Variants in PLCG2 observed in about 807,000 individuals in gnomAD.
PLCG2 encodes 1-phosphatidylinositol 4,5-bisphosphate phosphodiesterase gamma-2.
In PLCG2, 69 loss-of-function variants were observed where a neutral mutation model predicts 175.6. That is an observed-to-expected ratio of 0.39 (90% confidence interval 0.32 to 0.48). PLCG2 has a LOEUF of 0.48. Ranked by LOEUF, PLCG2 falls within the 20% of genes least tolerant of loss-of-function variation. PLCG2 has a pLI of 0.91. For missense variants in PLCG2, 1,798 were observed against 1,650.9 expected, an observed-to-expected ratio of 1.09 and a Z score of -1.54; for synonymous variants, 827 against 624.0, an observed-to-expected ratio of 1.33 and a Z score of -4.85.
At chr16:81,770,094 C>G (rs1305309086) in intron 2 of PLCG2, among the ~76,000 whole-genome samples, 2 of 152,104 alleles carry the variant, frequency 1.3e-5, no homozygotes, top group African/African-American at 4.8e-5. Flanking sequence ...CTCTCCACCC[C>G]CTTCGCTAAC....
chr16:81,800,543 T>C (rs1441691047), intron 2 of PLCG2, among the ~76,000 whole-genome samples: 1 of 152,196 alleles, frequency 6.6e-6, no homozygotes, highest in African/African-American at 2.4e-5. Flanking sequence ...AAGGACACGA[T>C]CTCGTTCCGT....
chr16:81,841,201 A>G (rs1309368726), intron 2 of PLCG2, among the ~76,000 whole-genome samples: 1 of 145,954 alleles, frequency 6.9e-6, no homozygotes, highest in African/African-American at 2.6e-5. Context: ...GCCAAAAAGT[A>G]AACTTTATTT....
rs759875390 is a variant in PLCG2 at position 81,908,615 on chromosome 16, G to GCCTA, written c.1733+28_1733+31dup. ...TGGTAATGCCCCCGACCCAGGGAAC[G>GCCTA]CCTACCTTCTTCTCCATGCCAACCG... On this transcript the variant is annotated intron_variant, in intron 17 of 32. Coordinates refer to ENST00000564138, the MANE Select transcript of PLCG2 (RefSeq NM_002661.5). The GCCTA allele has an allele frequency of 3.8e-6, 6 of 1,583,116 alleles. No individual in the cohort carries two copies. The South Asian group carries it at 7.0e-5, about 18-fold the overall frequency.
intron 2 of PLCG2, among the ~76,000 whole-genome samples, chr16:81,832,738 G>T (rs557346020): frequency 6.6e-6 from 1 of 152,244 alleles, no homozygotes; most frequent in African/African-American, 2.4e-5. Context: ...TCTGTGAGTG[G>T]TATGATATCC....
At chr16:81,932,114 A>C (rs1002072451) in intron 25 of PLCG2, among the ~76,000 whole-genome samples, 4 of 152,130 alleles carry the variant, frequency 2.6e-5, no homozygotes, top group Non-Finnish European at 5.9e-5. Flanking sequence ...CGGTGGAGGA[A>C]CTTCCCCTCT....
chr16:81,809,513 T>A (rs1904299800), intron 2 of PLCG2, among the ~76,000 whole-genome samples: 1 of 152,262 alleles, frequency 6.6e-6, no homozygotes, highest in African/African-American at 2.4e-5. Context: ...CCCCTTGCAG[T>A]GATTCCTGGG....
In PLCG2 at chr16:81,956,707, G is replaced by A. The variant is rs1212266400; in HGVS notation, c.3583G>A (p.Glu1195Lys). Reference sequence around the variant, plus strand: ...CTGCATCCTCCAGGAGAGCGAAGAGGAACTTTACTCCTCCTGTCGCCAGCT... The same window carrying A: ...CTGCATCCTCCAGGAGAGCGAAGAGAAACTTTACTCCTCCTGTCGCCAGCT... Reference protein sequence around the residue: ...EMRPVLESEEELYSSCRQLRR... With the variant: ...EMRPVLESEEKLYSSCRQLRR... Residue 1195 changes from glutamate to lysine, a missense_variant, in exon 32 of 33, where the codon GAA (glutamate) becomes AAA (lysine). Physicochemically the swap from Glu to Lys is moderately conservative, Grantham distance 56 (BLOSUM62 1). Coordinates refer to ENST00000564138, the MANE Select transcript of PLCG2 (RefSeq NM_002661.5). 4.3e-6 allele frequency: 7 copies of A among 1,613,798 alleles called. No homozygotes were observed. Among genetic ancestry groups the A allele is most frequent in the Non-Finnish European group, 5.9e-6 (7 of 1,179,970 alleles).
At chr16:81,831,670 G>A (rs1905264146) in intron 2 of PLCG2, among the ~76,000 whole-genome samples, 1 of 152,160 alleles carries the variant, frequency 6.6e-6, no homozygotes, top group Non-Finnish European at 1.5e-5. Flanking sequence ...CCCCGAGTGG[G>A]ACTCAGATCC....
intron 30 of PLCG2, among the ~76,000 whole-genome samples, chr16:81,940,925 T>C (rs1372118078): frequency 6.6e-6 from 1 of 152,230 alleles, no homozygotes; most frequent in Non-Finnish European, 1.5e-5. Flanking sequence ...CTTCCTTTAG[T>C]ATTTCTGATG....
chr16:81,779,629 C>G (rs1218452402), intron 1 of PLCG2, among the ~76,000 whole-genome samples: 6 of 152,166 alleles, frequency 3.9e-5, no homozygotes, highest in African/African-American at 1.4e-4. Flanking sequence ...CAGCCGCTGG[C>G]CACTTCCTCA....
chr16:81,790,003 T>A (rs1911160118), intron 2 of PLCG2, among the ~76,000 whole-genome samples: 2 of 152,246 alleles, frequency 1.3e-5, no homozygotes, highest in Non-Finnish European at 2.9e-5. Flanking sequence ...TCCAGTGCCC[T>A]TGGATGAGCT....
intron 3 of PLCG2, among the ~76,000 whole-genome samples, chr16:81,855,036 C>A (rs1447460848): frequency 6.6e-6 from 1 of 151,788 alleles, no homozygotes; most frequent in East Asian, 1.9e-4. Context: ...ATGGTGAAAC[C>A]CTGTCTCTAC....
At chr16:81,864,924 C>A (rs1397313380) in intron 5 of PLCG2, among the ~76,000 whole-genome samples, 1 of 152,064 alleles carries the variant, frequency 6.6e-6, no homozygotes, top group Non-Finnish European at 1.5e-5. Flanking sequence ...AGTTGCCGTC[C>A]TTCTCCAAAG....
chr16:81,886,761 T>C (rs1908387054), intron 9 of PLCG2, among the ~76,000 whole-genome samples: 1 of 152,188 alleles, frequency 6.6e-6, no homozygotes, highest in African/African-American at 2.4e-5. Context: ...GAGAATAACC[T>C]GTACCTCCTG....
upstream of PLCG2, among the ~76,000 whole-genome samples, chr16:81,775,691 C>G (rs919795202): frequency 1.3e-5 from 2 of 152,146 alleles, no homozygotes; most frequent in Admixed American, 1.3e-4. Context: ...GACTGGTGAG[C>G]AACACAGAAT....
chr16:81,925,220 A>G (rs749531925), intron 22 of PLCG2, among the ~76,000 whole-genome samples: 13 of 152,182 alleles, frequency 8.5e-5, no homozygotes, highest in African/African-American at 2.4e-4. Context: ...GCTGTGGTCA[A>G]TTCCTCTCTC....
chr16:81,811,660 G>A (rs1567476663), intron 2 of PLCG2, among the ~76,000 whole-genome samples: 2 of 152,124 alleles, frequency 1.3e-5, no homozygotes, highest in Non-Finnish European at 1.5e-5. Flanking sequence ...GAGAATGATG[G>A]TTTCCAGCTT....
chr16:81,849,828 C>T (rs991670813), intron 2 of PLCG2, among the ~76,000 whole-genome samples: 3 of 146,164 alleles, frequency 2.1e-5, no homozygotes, highest in Non-Finnish European at 4.5e-5. Flanking sequence ...AGACATTTTA[C>T]TGGGAAAGAG....
intron 1 of PLCG2, among the ~76,000 whole-genome samples, chr16:81,750,685 T>TTTTTTTTTTTTTTTTTTA: frequency 7.8e-6 from 1 of 128,646 alleles, no homozygotes; most frequent in African/African-American, 3.1e-5. Flanking sequence ...TTTTTTTTTT[T>TTTTTTTTTTTTTTTTTTA]GAGATAGAGT....
Sources: gnomAD v4.1 joint callset for allele counts (sites outside exome capture counted in the v4.1 genomes callset) on GRCh38, gnomAD v4.1.1 for gene constraint, MANE v1.5 for transcripts, NCBI Gene and HGNC (gene_info 2026-07-23, HGNC 2026-07-21) for gene names.